The following HECW1 variants were observed in gnomAD, a reference collection of about 807,000 sequenced individuals.
The protein encoded by HECW1 is E3 ubiquitin-protein ligase HECW1.
Under a neutral mutation model 182.3 loss-of-function variants are expected in HECW1, and 61 were observed. The ratio of observed to expected loss-of-function variants is 0.33; its 90% CI spans 0.27 to 0.41. The LOEUF (loss-of-function observed/expected upper bound fraction) is 0.41. Ranked by LOEUF, HECW1 falls within the 10% of genes least tolerant of loss-of-function variation. The pLI, the probability that HECW1 is intolerant of heterozygous loss-of-function variation, is 1.00. For synonymous variants in HECW1, 859 were observed against 832.6 expected (o/e 1.03, Z -0.55); for missense variants, 1,739 against 2,108.9 (o/e 0.82, Z 3.44).
At chr7:43,241,661 T>TGTGTGTGTGTGTGTGTG (rs1584133273) in intron 2 of HECW1, among the ~76,000 whole-genome samples, 1 of 149,738 alleles carries the variant, frequency 6.7e-6, no homozygotes, top group Non-Finnish European at 1.5e-5. Context: ...TGTGTGTGTG[T>TGTGTGTGTGTGTGTGTG]TTAATTAATT....
At chr7:43,431,181 A>G (rs1028354170) in intron 8 of HECW1, among the ~76,000 whole-genome samples, 1 of 152,120 alleles carries the variant, frequency 6.6e-6, no homozygotes, top group Non-Finnish European at 1.5e-5. Flanking sequence ...TTTGACCTTC[A>G]ATTACATTCA....
intron 3 of HECW1, among the ~76,000 whole-genome samples, chr7:43,275,708 G>GCGCACACA (rs1554336998): frequency 2.2e-3 from 322 of 146,098 alleles, no homozygotes; most frequent in African/African-American, 7.6e-3. Flanking sequence ...TTATGCGCAC[G>GCGCACACA]CACACACACA....
intron 3 of HECW1, among the ~76,000 whole-genome samples, chr7:43,275,592 G>A (rs1354079906): frequency 6.6e-6 from 1 of 152,116 alleles, no homozygotes; most frequent in Admixed American, 6.5e-5. Context: ...TAATGTAGAT[G>A]CAAATGCACT....
At chr7:43,113,933 T>G (rs1784843137) in intron 1 of HECW1, 3 of 267,590 alleles carry the variant, frequency 1.1e-5, no homozygotes, top group African/African-American at 6.5e-5. Context: ...TTTCAGCGCG[T>G]AGGGGGAGCT....
At chr7:43,343,703 T>G (rs1813314448) in intron 5 of HECW1, among the ~76,000 whole-genome samples, 1 of 151,878 alleles carries the variant, frequency 6.6e-6, no homozygotes, top group Non-Finnish European at 1.5e-5. Context: ...TCTTTGCTAT[T>G]GTGAATAGTG....
At chr7:43,520,504 A>G (rs184203724) in intron 24 of HECW1, among the ~76,000 whole-genome samples, 7 of 152,182 alleles carry the variant, frequency 4.6e-5, no homozygotes, top group African/African-American at 1.2e-4. Context: ...TCTCATTTAC[A>G]TGGGCGCAAA....
At chr7:43,458,340 C>T (rs1003481901) in intron 13 of HECW1, among the ~76,000 whole-genome samples, 24 of 152,176 alleles carry the variant, frequency 1.6e-4, no homozygotes, top group African/African-American at 5.8e-4. Context: ...GAAGGAAGCA[C>T]CTTGACCTAT....
At chr7:43,259,400 C>T (rs140868789) in intron 3 of HECW1, among the ~76,000 whole-genome samples, 296 of 128,288 alleles carry the variant, frequency 2.3e-3, no homozygotes, top group African/African-American at 9.2e-3. Context: ...AAAAAAAAAC[C>T]GTTCAATATA....
intron 5 of HECW1, among the ~76,000 whole-genome samples, chr7:43,327,986 T>C (rs944341028): frequency 6.7e-6 from 1 of 149,134 alleles, no homozygotes; most frequent in Non-Finnish European, 1.5e-5. Context: ...TTATTATTAT[T>C]ATTATCATTA....
intron 2 of HECW1, among the ~76,000 whole-genome samples, chr7:43,213,814 A>G (rs1359311079): frequency 1.3e-5 from 2 of 152,196 alleles, no homozygotes; most frequent in East Asian, 3.8e-4. Flanking sequence ...TGATATAATT[A>G]ATAAAAGACT....
intron 3 of HECW1, among the ~76,000 whole-genome samples, chr7:43,260,644 T>A (rs2152732746): frequency 6.6e-6 from 1 of 152,236 alleles, no homozygotes; most frequent in East Asian, 1.9e-4. Flanking sequence ...GAAATGATGG[T>A]GGCTTGGACT....
At position 43,174,152 on chromosome 7, in the gene HECW1, T is replaced by C. The variant is rs146923137; in HGVS notation, c.-32+59761T>C. 9.3e-3 allele frequency among the ~76,000 whole-genome samples: 1,423 copies of C among 152,282 alleles called. 13 individuals carry two copies. The highest frequency in any genetic ancestry group is 0.03 in the African/African-American group (1,256 of 41,576). On this transcript the variant is annotated intron_variant, in intron 2 of 29. Coordinates refer to ENST00000395891, the MANE Select transcript of HECW1 (RefSeq NM_015052.5). ...CACAGTGCCTAGCCTTAAATGAGTC[T>C]TGATAGGTGGAATTTCAGAGCATAC...
intron 8 of HECW1, among the ~76,000 whole-genome samples, chr7:43,412,297 T>C (rs2152849049): frequency 6.6e-6 from 1 of 152,184 alleles, no homozygotes; most frequent in South Asian, 2.1e-4. Flanking sequence ...TGTATATACA[T>C]TATAAACCCT....
chr7:43,157,581 G>T (rs550151044), intron 2 of HECW1, among the ~76,000 whole-genome samples: 1 of 151,952 alleles, frequency 6.6e-6, no homozygotes, highest in African/African-American at 2.4e-5. Flanking sequence ...CTTTTTTTGA[G>T]ACAGGGTCTC....
chr7:43,509,259 C>A, intron 24 of HECW1, 138 bp downstream of exon 24: 3 of 735,724 alleles, frequency 4.1e-6, no homozygotes, highest in Admixed American at 3.1e-5. Context: ...ATGACAGAGT[C>A]CAAGAAGGAA....
At chr7:43,263,800 T>G (rs1272948607) in intron 3 of HECW1, among the ~76,000 whole-genome samples, 1 of 152,180 alleles carries the variant, frequency 6.6e-6, no homozygotes, top group African/African-American at 2.4e-5. Flanking sequence ...AAGAAGAGGC[T>G]GCAGGATTTG....
chr7:43,553,288 A>G (rs1349545266), intron 28 of HECW1, among the ~76,000 whole-genome samples: 1 of 152,166 alleles, frequency 6.6e-6, no homozygotes, highest in Non-Finnish European at 1.5e-5. Flanking sequence ...TACAGTAGAG[A>G]GTGAGCTGGG....
At chr7:43,393,385 TC>T (rs1562927551) in intron 6 of HECW1, among the ~76,000 whole-genome samples, 1 of 152,212 alleles carries the variant, frequency 6.6e-6, no homozygotes, top group Admixed American at 6.5e-5. Context: ...AAAGAGTCTG[TC>T]TGTGAGTATA....
chr7:43,169,098 T>C (rs190975006), intron 2 of HECW1, among the ~76,000 whole-genome samples: 2 of 152,298 alleles, frequency 1.3e-5, no homozygotes, highest in Admixed American at 1.3e-4. Context: ...AGAAATCAAA[T>C]GCTCTCCCTC....
Sources: allele counts gnomAD v4.1 joint callset (sites outside exome capture counted in the v4.1 genomes callset), GRCh38; gene constraint gnomAD v4.1.1; transcripts MANE v1.5; gene names NCBI Gene and HGNC (gene_info 2026-07-23, HGNC 2026-07-21).